Variants in SCFD1 observed in about 807,000 individuals in gnomAD.
The protein encoded by SCFD1 is sec1 family domain-containing protein 1.
A neutral mutation model predicts 103.2 loss-of-function variants in SCFD1; 37 were observed. That is an observed-to-expected ratio of 0.36 (90% CI 0.28 to 0.47). SCFD1 has a LOEUF of 0.47. Ranked by LOEUF, SCFD1 falls within the 20% of genes least tolerant of loss-of-function variation. The probability of loss-of-function intolerance (pLI) is 1.00; values close to 1 mark genes in which losing one functional copy is unlikely to be tolerated. For missense variants in SCFD1, 639 were observed against 761.2 expected, an observed-to-expected ratio of 0.84 and a Z score of 1.89; for synonymous variants, 264 against 245.0, an observed-to-expected ratio of 1.08 and a Z score of -0.73.
intron 14 of SCFD1, among the ~76,000 whole-genome samples, chr14:30,684,728 CTTTTTT>C (rs766941201): frequency 3.5e-5 from 2 of 56,906 alleles, no homozygotes; most frequent in African/African-American, 1.2e-4. Context: ...CTCACTTATT[CTTTTTT>C]TTTTTTTTTT....
At position 30,628,261 on chromosome 14, in the gene SCFD1, A is replaced by T. The variant is rs1883731376; in HGVS notation, c.114A>T (p.Thr38=). The T allele has an allele frequency of 6.2e-7, 1 of 1,610,186 alleles. No homozygotes were observed. ...NFNVPHIKNS[T]GEPVWKVLIY... ...ATGTGCCTCATATTAAAAACAGCAC[A>T]GGAGAACCAGTATGGAAGGTAAGAG... The change falls in exon 2 of 25, where the codon ACA becomes ACT. Residue 38 remains threonine (T), a synonymous_variant. Transcript: ENST00000458591.
intron 1 of SCFD1, among the ~76,000 whole-genome samples, chr14:30,623,852 A>G (rs1883106420): frequency 6.6e-6 from 1 of 152,322 alleles, no homozygotes; most frequent in South Asian, 2.1e-4. Context: ...CCTTGTATAT[A>G]TATTATAATG....
At chr14:30,700,323 A>ATTTTTACTTCTG in intron 16 of SCFD1, 65 bp downstream of exon 16, 1 of 1,027,996 alleles carries the variant, frequency 9.7e-7, no homozygotes, top group Non-Finnish European at 1.5e-6. Flanking sequence ...TACAATTCAG[A>ATTTTTACTTCTG]TTTTAAAACA....
chr14:30,638,409 C>A (rs1195744451), intron 5 of SCFD1, among the ~76,000 whole-genome samples, 162 bp downstream of exon 5: 1 of 152,096 alleles, frequency 6.6e-6, no homozygotes, highest in Non-Finnish European at 1.5e-5. Context: ...AAATTATATT[C>A]AAGTTGAACT....
At chr14:30,707,929 G>A (rs990289126) in intron 18 of SCFD1, 61 bp from the exon 19 acceptor site, 14 of 1,090,170 alleles carry the variant, frequency 1.3e-5, no homozygotes, top group East Asian at 9.5e-5. Flanking sequence ...ATATTTTATC[G>A]ATAACAGATT....
At chr14:30,629,037 C>T (rs1009943933) in intron 2 of SCFD1, among the ~76,000 whole-genome samples, 2 of 152,114 alleles carry the variant, frequency 1.3e-5, no homozygotes, top group African/African-American at 4.8e-5. Flanking sequence ...TAATTTTCTC[C>T]TTCTTGTTCC....
At chr14:30,699,252 AGTGTT>A in intron 15 of SCFD1, among the ~76,000 whole-genome samples, 1 of 152,300 alleles carries the variant, frequency 6.6e-6, no homozygotes, top group South Asian at 2.1e-4. Context: ...AATGAGCGTT[AGTGTT>A]CCAAATCATA....
chr14:30,673,175 G>A, intron 11 of SCFD1, 82 bp from the exon 12 acceptor site: 1 of 556,332 alleles, frequency 1.8e-6, no homozygotes, highest in Non-Finnish European at 3.2e-6. Flanking sequence ...AATAATAAAT[G>A]TTCATTGTAT....
rs778917561 is a variant in SCFD1, at chr14:30,700,212, G to A, written c.1364G>A (p.Arg455Lys). 1.9e-6 allele frequency: 3 copies of A among 1,611,114 alleles called. No individual in the cohort carries two copies. The African/African-American group carries it at 4.0e-5, about 22-fold the overall frequency. ...GCAGGAACTCCAGAAGATAAAATGAGGTTGTTTCTTATCTATTATATAAGC... is the reference window on the plus strand; with the variant it reads ...GCAGGAACTCCAGAAGATAAAATGAAGTTGTTTCTTATCTATTATATAAGC... ...PDAGTPEDKMRLFLIYYISTQ... is the reference protein window; with the variant it reads ...PDAGTPEDKMKLFLIYYISTQ... The change falls in exon 16 of 25, where the codon AGG (arginine) becomes AAG (lysine). Residue 455 changes from arginine to lysine, a missense_variant. Transcript: ENST00000458591.
chr14:30,726,367 A>G (rs374405833), intron 23 of SCFD1, among the ~76,000 whole-genome samples: 17 of 152,324 alleles, frequency 1.1e-4, no homozygotes, highest in Admixed American at 5.2e-4. Flanking sequence ...CCAGAAGACC[A>G]TCTTGTAGGG....
chr14:30,649,476 A>G (rs1200889617), intron 7 of SCFD1, 52 bp from the exon 8 acceptor site: 3 of 1,146,188 alleles, frequency 2.6e-6, no homozygotes, highest in African/African-American at 1.6e-5. Flanking sequence ...TTTTATAAGT[A>G]TCTATTTTAA....
intron 14 of SCFD1, chr14:30,683,199 G>A: frequency 2.7e-6 from 3 of 1,122,370 alleles, no homozygotes; most frequent in Non-Finnish European, 3.9e-6. Flanking sequence ...TGTTCTGGAT[G>A]GAGAGCAGAA....
intron 3 of SCFD1, among the ~76,000 whole-genome samples, chr14:30,633,222 G>C (rs1378648237): frequency 6.6e-6 from 1 of 152,188 alleles, no homozygotes; most frequent in Non-Finnish European, 1.5e-5. Flanking sequence ...CTGGCAGCAT[G>C]TGCCTCTTTC....
intron 10 of SCFD1, among the ~76,000 whole-genome samples, chr14:30,668,856 A>G (rs917414957): frequency 6.6e-6 from 1 of 152,222 alleles, no homozygotes; most frequent in Non-Finnish European, 1.5e-5. Flanking sequence ...ATGAGATACC[A>G]TCTCACACCA....
At chr14:30,693,069 G>A (rs1225486865) in intron 14 of SCFD1, among the ~76,000 whole-genome samples, 1 of 152,122 alleles carries the variant, frequency 6.6e-6, no homozygotes, top group Non-Finnish European at 1.5e-5. Flanking sequence ...TAGCTTTATA[G>A]AGTAGCTAAA....
chr14:30,634,584 T>C (rs10146357), intron 4 of SCFD1, among the ~76,000 whole-genome samples: 49,355 of 151,928 alleles, frequency 0.32, 9,086 homozygotes, highest in East Asian at 0.62. Flanking sequence ...ACTGGTAAAG[T>C]CTGAGTCTGG....
In SCFD1 at chr14:30,702,278, G is replaced by A; in HGVS notation, c.1411-18G>A. ...TGAAAGTAAAATTTTTTGTCATATA[G>A]TTCTTTTCTTATTTCAGGCTGATTT... On this transcript the variant is annotated intron_variant, in intron 16 of 24. Transcript: ENST00000458591. 6 of 1,542,134 alleles carry A rather than the reference G, an allele frequency of 3.9e-6. No homozygotes were observed. Among genetic ancestry groups the A allele is most frequent in the Non-Finnish European group, 5.3e-6 (6 of 1,132,400 alleles).
At chr14:30,708,410 A>G (rs1891627052) in intron 19 of SCFD1, among the ~76,000 whole-genome samples, 1 of 152,002 alleles carries the variant, frequency 6.6e-6, no homozygotes, top group South Asian at 2.1e-4. Flanking sequence ...TTGAGCTCCC[A>G]TGTGGTATTT....
At chr14:30,720,486 T>G (rs1234657404) in intron 21 of SCFD1, among the ~76,000 whole-genome samples, 1 of 152,142 alleles carries the variant, frequency 6.6e-6, no homozygotes, top group African/African-American at 2.4e-5. Context: ...AGCTAACAAG[T>G]AGATATACAG....
Sources: gnomAD v4.1 joint callset for allele counts (sites outside exome capture counted in the v4.1 genomes callset) on GRCh38, gnomAD v4.1.1 for gene constraint, MANE v1.5 for transcripts, NCBI Gene and HGNC (gene_info 2026-07-23, HGNC 2026-07-21) for gene names.